The following FBN2 variants were observed in gnomAD, a reference collection of about 807,000 sequenced individuals.
FBN2 encodes the protein fibrillin 2.
A neutral mutation model predicts 355.6 loss-of-function variants in FBN2; 105 were observed. The observed-to-expected ratio is 0.30, with a 90% confidence interval of 0.25 to 0.35. FBN2 has a LOEUF of 0.35. FBN2 is among the 10% of genes least tolerant of loss of function. FBN2 has a pLI of 1.00. For missense variants in FBN2, 3,280 were observed against 3,758.7 expected (o/e 0.87, Z 3.33); for synonymous variants, 1,350 against 1,301.2 (o/e 1.04, Z -0.81).
intron 18 of FBN2, 31 bp downstream of exon 18, chr5:128,364,569 T>C (rs781327140): frequency 1.2e-6 from 2 of 1,601,254 alleles, no homozygotes; most frequent in Non-Finnish European, 1.7e-6. Flanking sequence ...CTATATGAAA[T>C]GTTCTTGCAT....
rs755448910 is a variant in FBN2 at position 128,305,491 on chromosome 5, T to G, written c.5674+20A>C. The G allele has an allele frequency of 5.0e-6, 8 of 1,613,304 alleles. No homozygotes were observed. In the Admixed American group the frequency reaches 1.3e-4, roughly 27 times the overall value. On this transcript the variant is annotated intron_variant, in intron 44 of 64. Transcript: ENST00000262464. ...GAATCTTGTGCTCAGTGCCAAAGAA[T>G]GAGTCAGCCTCTTTCTTACCTACAC...
At position 128,408,682 on chromosome 5, in the gene FBN2, C is replaced by G; in HGVS notation, c.1070G>C (p.Arg357Pro). The change falls in exon 8 of 65, where the codon CGA becomes CCA. Residue 357 changes from arginine to proline, a missense_variant. Physicochemically the swap from Arg to Pro is moderately radical, Grantham distance 103. Coordinates refer to ENST00000262464, the MANE Select transcript of FBN2 (RefSeq NM_001999.4). ...RGYVTSTDGS[R>P]CIDQRTGMCF... ...CAAAATGCGAGGCTTACCGATGCAT[C>G]GAGAGCCATCTGTTGAGGTTACATA... is the stretch of plus-strand genomic sequence containing the variant. The G allele has an allele frequency of 6.2e-7, 1 of 1,613,930 alleles. No individual in the cohort carries two copies. Among genetic ancestry groups the G allele is most frequent in the Non-Finnish European group, 8.5e-7 (1 of 1,179,870 alleles).
chr5:128,332,487 G>T (rs1007604665), intron 32 of FBN2, among the ~76,000 whole-genome samples: 8 of 152,090 alleles, frequency 5.3e-5, no homozygotes, highest in African/African-American at 1.9e-4. Context: ...CCTGTAAGAA[G>T]AATTCTATTT....
chr5:128,394,256 A>G (rs80097588), intron 9 of FBN2, among the ~76,000 whole-genome samples: 6,309 of 152,266 alleles, frequency 0.041, 175 homozygotes, highest in Non-Finnish European at 0.06. Context: ...ATATATTAAT[A>G]TATCTTTATG....
intron 45 of FBN2, 56 bp downstream of exon 45, chr5:128,304,901 A>G (rs1749824328): frequency 1.2e-6 from 2 of 1,610,548 alleles, no homozygotes; most frequent in African/African-American, 2.7e-5. Flanking sequence ...TGGAACTGTG[A>G]TCTGTTCTGG....
chr5:128,371,784 T>C lies in FBN2; in HGVS notation c.2096-2450A>G, dbSNP rs544272017. 1.2e-4 allele frequency among the ~76,000 whole-genome samples: 19 copies of C among 152,244 alleles called. No individual in the cohort carries two copies. In the South Asian group the frequency reaches 3.7e-3, roughly 30 times the overall value. On this transcript the variant is annotated intron_variant, in intron 15 of 64. Transcript: ENST00000262464. Reference sequence around the variant, plus strand: ...CTGACTTCAGGTGATCCACCTGCCTTGGCCTCCCAAAGTGTTGGGATTACA... The same window carrying C: ...CTGACTTCAGGTGATCCACCTGCCTCGGCCTCCCAAAGTGTTGGGATTACA...
intron 7 of FBN2, among the ~76,000 whole-genome samples, chr5:128,414,810 T>A (rs141474515): frequency 1.1e-4 from 17 of 152,260 alleles, no homozygotes; most frequent in African/African-American, 4.1e-4. Context: ...TATCTACTTT[T>A]TTTTTTGCTT....
chr5:128,533,350 T>C (rs77991939), intron 2 of FBN2, among the ~76,000 whole-genome samples: 3,901 of 152,294 alleles, frequency 0.026, 175 homozygotes, highest in African/African-American at 0.09. Flanking sequence ...GGCATTTACC[T>C]GTCGTGGATA....
In FBN2 at chr5:128,537,414, G is replaced by C; in HGVS notation, c.190C>G (p.Arg64Gly). 6.2e-7 allele frequency: 1 copy of C among 1,609,962 alleles called. No homozygotes were observed. The highest frequency in any genetic ancestry group is 8.5e-7 in the Non-Finnish European group (1 of 1,179,368). Residue 64 changes from arginine (R) to glycine (G), a missense_variant, in exon 1 of 65, where the codon CGC becomes GGC. Arg to Gly is a moderately radical substitution (Grantham distance 125). Coordinates refer to ENST00000262464, the MANE Select transcript of FBN2 (RefSeq NM_001999.4). ...SEGGFLAPEYREEGAAVASRV... is the reference protein window; with the variant it reads ...SEGGFLAPEYGEEGAAVASRV... ...CTGGCCACTGCGGCACCCTCCTCGC[G>C]ATACTCGGGCGCTAGAAACCCGCCT...
At chr5:128,537,213 A>C (rs1405863676) in intron 1 of FBN2, 137 bp downstream of exon 1, 3 of 1,417,104 alleles carry the variant, frequency 2.1e-6, no homozygotes, top group African/African-American at 2.9e-5. Context: ...GGGTCTTTGG[A>C]TATTCTGGCA....
chr5:128,452,290 T>A (rs1754271440), intron 6 of FBN2, among the ~76,000 whole-genome samples: 1 of 152,190 alleles, frequency 6.6e-6, no homozygotes, highest in East Asian at 1.9e-4. Context: ...AAAAACTTAC[T>A]ATTTCTTTAA....
chr5:128,536,080 G>A (rs1222205204), intron 2 of FBN2, among the ~76,000 whole-genome samples: 1 of 152,174 alleles, frequency 6.6e-6, no homozygotes, highest in African/African-American at 2.4e-5. Context: ...TACAGAAAAA[G>A]TGGTTTTGAG....
rs899078412 is a variant in FBN2 at position 128,312,853 on chromosome 5, T to G, written c.4718-58A>C. 3 of 1,587,752 alleles carry G rather than the reference T, an allele frequency of 1.9e-6. No individual in the cohort carries two copies. In the African/African-American group the frequency reaches 4.0e-5, roughly 21 times the overall value. ...TTGCTTACATAGTAAGGACTCCATT[T>G]TAGGGAAAAGTCACTCAAAGGATGA... On this transcript the variant is annotated intron_variant, in intron 36 of 64. Transcript: ENST00000262464.
intron 5 of FBN2, among the ~76,000 whole-genome samples, chr5:128,503,944 C>A (rs1474370137): frequency 1.3e-5 from 2 of 152,060 alleles, no homozygotes; most frequent in African/African-American, 2.4e-5. Flanking sequence ...GGTCCCCAGG[C>A]CCCCCACACT....
At chr5:128,293,836 T>C (rs906080887) in intron 48 of FBN2, among the ~76,000 whole-genome samples, 1 of 150,172 alleles carries the variant, frequency 6.7e-6, no homozygotes, top group Admixed American at 6.6e-5. Context: ...TTTTTTTTAA[T>C]TAATTAATTA....
chr5:128,470,654 G>A (rs1372428091), intron 5 of FBN2, among the ~76,000 whole-genome samples: 3 of 152,132 alleles, frequency 2.0e-5, no homozygotes, highest in African/African-American at 7.2e-5. Context: ...CGGGAAGTAA[G>A]AAAAGGACTG....
intron 1 of FBN2, 55 bp from the exon 2 acceptor site, chr5:128,536,539 A>G: frequency 7.7e-7 from 1 of 1,296,580 alleles, no homozygotes; most frequent in Non-Finnish European, 1.1e-6. Context: ...GCAGCAACAT[A>G]TAAACGGTCT....
chr5:128,477,554 C>G (rs1395790886), intron 5 of FBN2, among the ~76,000 whole-genome samples: 1 of 152,106 alleles, frequency 6.6e-6, no homozygotes, highest in Non-Finnish European at 1.5e-5. Flanking sequence ...AACTACACAA[C>G]CATGAAGTTT....
At chr5:128,303,334 A>G (rs1046275833) in intron 45 of FBN2, among the ~76,000 whole-genome samples, 1 of 152,176 alleles carries the variant, frequency 6.6e-6, no homozygotes, top group African/African-American at 2.4e-5. Context: ...CAATACTCAG[A>G]CATAGCCTAA....
Sources: allele counts gnomAD v4.1 joint callset (sites outside exome capture counted in the v4.1 genomes callset), GRCh38; gene constraint gnomAD v4.1.1; transcripts MANE v1.5; gene names NCBI Gene and HGNC (gene_info 2026-07-23, HGNC 2026-07-21).